Variants in MAPK10 observed in about 807,000 individuals in gnomAD.
MAPK10 encodes the protein JNK3 alpha protein kinase.
Under a neutral mutation model 59.3 loss-of-function variants are expected in MAPK10, and 25 were observed. The ratio of observed to expected loss-of-function variants is 0.42; its 90% CI spans 0.31 to 0.59. The LOEUF is 0.59. Among genes scored for constraint, MAPK10 ranks in the 20% least tolerant of loss-of-function variants. MAPK10 has a pLI of 0.15. For missense variants in MAPK10, 351 were observed against 568.9 expected (o/e 0.62, Z 3.90); for synonymous variants, 190 against 200.5 (o/e 0.95, Z 0.44).
chr4:86,442,880 A>T (rs915241948), intron 1 of MAPK10, among the ~76,000 whole-genome samples: 2 of 152,226 alleles, frequency 1.3e-5, no homozygotes, highest in Non-Finnish European at 2.9e-5. Flanking sequence ...TCCATTTTCC[A>T]TCCAGCATGT....
At chr4:86,348,829 C>T (rs183020773) in intron 2 of MAPK10, among the ~76,000 whole-genome samples, 21 of 152,264 alleles carry the variant, frequency 1.4e-4, no homozygotes, top group African/African-American at 3.4e-4. Context: ...CTCTCTTTCA[C>T]TCTCTAGCGC....
intron 2 of MAPK10, among the ~76,000 whole-genome samples, chr4:86,256,169 T>C (rs1443434761): frequency 6.6e-6 from 1 of 152,224 alleles, no homozygotes; most frequent in African/African-American, 2.4e-5. Context: ...TTTTGTACAT[T>C]ATAACATTGT....
intron 3 of MAPK10, among the ~76,000 whole-genome samples, chr4:86,173,377 T>C (rs2149265054): frequency 6.6e-6 from 1 of 152,282 alleles, no homozygotes; most frequent in African/African-American, 2.4e-5. Flanking sequence ...GGAAAAGGAT[T>C]CTCTATTTAA....
intron 9 of MAPK10, chr4:86,089,256 C>T (rs1241029338): frequency 4.3e-6 from 7 of 1,612,412 alleles, no homozygotes; most frequent in South Asian, 1.1e-5. Flanking sequence ...TCCCATGATG[C>T]ACCCTACTGA....
intron 9 of MAPK10, among the ~76,000 whole-genome samples, chr4:86,075,802 TCAGA>T (rs2049208577): frequency 6.6e-6 from 1 of 152,166 alleles, no homozygotes; most frequent in Non-Finnish European, 1.5e-5. Flanking sequence ...TTCAAAGCTG[TCAGA>T]CAGGGGCATT....
chr4:86,581,676 T>TTGTGTGTGTGTG (rs56210798), intron 1 of MAPK10, among the ~76,000 whole-genome samples: 2 of 136,828 alleles, frequency 1.5e-5, no homozygotes, highest in African/African-American at 2.7e-5. Context: ...TTTTCAGTTA[T>TTGTGTGTGTGTG]TGTGTGTGTG....
chr4:86,422,639 C>T (rs1028074100), intron 1 of MAPK10, among the ~76,000 whole-genome samples: 1 of 152,132 alleles, frequency 6.6e-6, no homozygotes, highest in Non-Finnish European at 1.5e-5. Context: ...GGTAAGCCAA[C>T]AAGGACATAA....
At chr4:86,581,349 G>C (rs1479536671) in intron 1 of MAPK10, among the ~76,000 whole-genome samples, 1 of 151,658 alleles carries the variant, frequency 6.6e-6, no homozygotes, top group Non-Finnish European at 1.5e-5. Flanking sequence ...AATAATAAAA[G>C]TAAATTCAAT....
chr4:86,491,139 C>G (rs1754423897), intron 1 of MAPK10, among the ~76,000 whole-genome samples: 1 of 152,128 alleles, frequency 6.6e-6, no homozygotes, highest in Non-Finnish European at 1.5e-5. Flanking sequence ...GAGGCCGGAG[C>G]AAAGTATGGC....
chr4:86,374,570 C>T (rs1739475900), intron 1 of MAPK10, among the ~76,000 whole-genome samples: 1 of 151,988 alleles, frequency 6.6e-6, no homozygotes, highest in Admixed American at 6.6e-5. Flanking sequence ...AGAGAAATCC[C>T]CAAAAAGAAA....
chr4:86,087,725 C>T (rs1009931704), intron 9 of MAPK10, among the ~76,000 whole-genome samples: 2 of 151,876 alleles, frequency 1.3e-5, no homozygotes, highest in Admixed American at 6.6e-5. Flanking sequence ...AAATTGAGTG[C>T]CTAATACAGC....
chr4:86,482,644 A>G (rs1753695477), intron 1 of MAPK10, among the ~76,000 whole-genome samples: 1 of 152,204 alleles, frequency 6.6e-6, no homozygotes, highest in South Asian at 2.1e-4. Context: ...GAGCAGAAGC[A>G]TCTATGAATT....
chr4:86,484,230 G>C (rs1054372015), intron 1 of MAPK10, among the ~76,000 whole-genome samples: 1 of 152,164 alleles, frequency 6.6e-6, no homozygotes, highest in Non-Finnish European at 1.5e-5. Flanking sequence ...CCTTTATTGA[G>C]TGCTAATGGG....
At chr4:86,286,194 T>G (rs2095001839) in intron 2 of MAPK10, among the ~76,000 whole-genome samples, 1 of 152,196 alleles carries the variant, frequency 6.6e-6, no homozygotes, top group African/African-American at 2.4e-5. Context: ...TCAAATAAAC[T>G]ATTTGCAATC....
At position 86,017,162 on chromosome 4, in the gene MAPK10, T is replaced by G; in HGVS notation, c.*66A>C. On this transcript the variant is annotated 3_prime_UTR_variant, in exon 14 of 14. Coordinates refer to ENST00000641462, the MANE Select transcript of MAPK10 (RefSeq NM_138982.4). The surrounding 1 kb of genome is among the most constrained non-coding windows in gnomAD (Gnocchi z 4.4). ...CTGCATTTGTGTGTGTGTGTGTGTCTGCGTGTGTGTGTGTTCCATCACATC... is the reference window on the plus strand; with the variant it reads ...CTGCATTTGTGTGTGTGTGTGTGTCGGCGTGTGTGTGTGTTCCATCACATC... 2 of 1,532,994 alleles carry G rather than the reference T, an allele frequency of 1.3e-6. No homozygotes were observed. The highest frequency in any genetic ancestry group is 2.4e-5 in the South Asian group (2 of 84,754). The allele number at this position is 1,532,994 out of a possible 1,614,324, so 95.0% of individuals were successfully genotyped here.
chr4:86,024,505 T>C (rs949566611), intron 13 of MAPK10: 9 of 152,338 alleles, frequency 5.9e-5, no homozygotes, highest in African/African-American at 2.2e-4. Context: ...GTAGTTTTGT[T>C]ATGGATTACC....
At chr4:86,254,267 AG>A (rs1190544009) in intron 2 of MAPK10, among the ~76,000 whole-genome samples, 2 of 12,534 alleles carry the variant, frequency 1.6e-4, no homozygotes, top group Non-Finnish European at 2.8e-4. Context: ...TTGTGATGTT[AG>A]GGTGTCAATT....
intron 2 of MAPK10, among the ~76,000 whole-genome samples, chr4:86,284,999 G>T (rs1333072610): frequency 6.6e-6 from 1 of 152,112 alleles, no homozygotes; most frequent in African/African-American, 2.4e-5. Flanking sequence ...TATTTACATG[G>T]CCTTTCAATG....
intron 1 of MAPK10, among the ~76,000 whole-genome samples, chr4:86,376,144 T>C (rs1369887259): frequency 2.0e-5 from 3 of 152,210 alleles, no homozygotes; most frequent in African/African-American, 7.2e-5. Context: ...TATTCCATTT[T>C]TCCCCTTATT....
Sources: allele counts gnomAD v4.1 joint callset (sites outside exome capture counted in the v4.1 genomes callset), GRCh38; gene constraint gnomAD v4.1.1; non-coding constraint Gnocchi (gnomAD v3.1); transcripts MANE v1.5; gene names NCBI Gene and HGNC (gene_info 2026-07-23, HGNC 2026-07-21).